The following COL4A5 variants were observed in gnomAD, a reference collection of about 807,000 sequenced individuals.
The protein encoded by COL4A5 is collagen alpha-5(IV) chain.
COL4A5 carries 26 observed loss-of-function variants against 130.2 expected under a neutral mutation model. That is an observed-to-expected ratio of 0.20 (90% CI 0.15 to 0.28). COL4A5 has a LOEUF of 0.28. Among genes scored for constraint, COL4A5 ranks in the 10% least tolerant of loss-of-function variants. COL4A5 has a pLI of 1.00. For synonymous variants in COL4A5, 496 were observed against 439.6 expected, an observed-to-expected ratio of 1.13 and a Z score of -1.60; for missense variants, 1,131 against 1,344.3, an observed-to-expected ratio of 0.84 and a Z score of 2.48.
chrX:108,559,156 A>G lies in COL4A5; in HGVS notation c.231+3A>G, dbSNP rs376366035. On this transcript the variant is annotated splice_donor_region_variant and intron_variant, in intron 3 of 52. Transcript: ENST00000328300. ...CTCCGGGGCCTCGGGGACAAAAGGTATGTATCATGTTGCCAACCAGTAATG... is the reference window on the plus strand; with the variant it reads ...CTCCGGGGCCTCGGGGACAAAAGGTGTGTATCATGTTGCCAACCAGTAATG... 1.7e-6 allele frequency: 2 copies of G among 1,191,373 alleles called. No individual in the cohort carries two copies. Among genetic ancestry groups the G allele is most frequent in the Non-Finnish European group, 1.1e-6 (1 of 876,762 alleles).
At chrX:108,689,364 A>G (rs969334883) in intron 49 of COL4A5, 83 of 748,535 alleles carry the variant, frequency 1.1e-4, no homozygotes, top group Non-Finnish European at 1.2e-4. Context: ...TACCAGGTCA[A>G]CAGAGGAACC....
intron 1 of COL4A5, among the ~76,000 whole-genome samples, chrX:108,445,892 G>A (rs1263787244): frequency 1.8e-5 from 2 of 110,877 alleles, no homozygotes; most frequent in African/African-American, 3.3e-5. Flanking sequence ...ACAGAATAAT[G>A]GTGTGTGTTT....
intron 1 of COL4A5, among the ~76,000 whole-genome samples, chrX:108,488,816 C>A (rs73524439): frequency 0.093 from 10,261 of 110,800 alleles, 1,085 homozygotes; most frequent in African/African-American, 0.31. Context: ...TTTTACACAG[C>A]AGTATGAGAG....
At chrX:108,692,713 C>G (rs1237385852) in intron 49 of COL4A5, 35 bp from the exon 50 acceptor site, 1 of 1,185,658 alleles carries the variant, frequency 8.4e-7, no homozygotes, top group Admixed American at 2.2e-5. Flanking sequence ...CATTATCACG[C>G]AGTCCTTTAC....
intron 1 of COL4A5, among the ~76,000 whole-genome samples, chrX:108,497,436 C>T (rs73524455): frequency 0.1 from 11,524 of 110,683 alleles, 1,295 homozygotes; most frequent in African/African-American, 0.34. Context: ...ATTTGGGGAC[C>T]TAACATCCTG....
At chrX:108,487,581 C>T (rs777681580) in intron 1 of COL4A5, among the ~76,000 whole-genome samples, 1 of 111,013 alleles carries the variant, frequency 9.0e-6, no homozygotes, top group Admixed American at 9.5e-5. Flanking sequence ...GTTTGTTGGC[C>T]ATTTGCCAAC....
intron 1 of COL4A5, among the ~76,000 whole-genome samples, chrX:108,448,734 A>T: frequency 8.9e-6 from 1 of 112,180 alleles, no homozygotes. Flanking sequence ...TCTGTCTTAA[A>T]CAATAAAAAC....
chrX:108,689,891 C>T, intron 49 of COL4A5: 1 of 754,425 alleles, frequency 1.3e-6, no homozygotes, highest in Non-Finnish European at 1.6e-6. Context: ...TGGGATCACT[C>T]TCTCTTCGAA....
chrX:108,694,489 C>T, intron 50 of COL4A5: 2 of 299,081 alleles, frequency 6.7e-6, no homozygotes, highest in Admixed American at 9.8e-5. Context: ...GTAGTATGTG[C>T]AATACACCAA....
intron 1 of COL4A5, among the ~76,000 whole-genome samples, chrX:108,457,874 T>C (rs1297488345): frequency 8.9e-6 from 1 of 112,117 alleles, no homozygotes; most frequent in Non-Finnish European, 1.9e-5. Context: ...GCATAATACA[T>C]TTGAGATCCA....
intron 2 of COL4A5, among the ~76,000 whole-genome samples, chrX:108,550,857 A>G (rs2065742536): frequency 9.0e-6 from 1 of 111,676 alleles, no homozygotes; most frequent in Non-Finnish European, 1.9e-5. Flanking sequence ...ACAAACTAAG[A>G]TCAGTAAATA....
chrX:108,526,669 TTC>T (rs769473826), intron 1 of COL4A5, among the ~76,000 whole-genome samples: 563 of 46,217 alleles, frequency 0.012, 13 homozygotes, highest in African/African-American at 0.052. Context: ...TCTTCTTTCT[TTC>T]TCTTTCTTTC....
rs918359358 is a variant in COL4A5, at chrX:108,476,902, T to A, written c.81+36696T>A. ...GCTACAACCAACATGGGAGTGAAGATATCTCTTTGATCTACTTATTTCCTT... is the reference window on the plus strand; with the variant it reads ...GCTACAACCAACATGGGAGTGAAGAAATCTCTTTGATCTACTTATTTCCTT... On this transcript the variant is annotated intron_variant, in intron 1 of 52. Transcript: ENST00000328300. 1.1e-4 allele frequency among the ~76,000 whole-genome samples: 12 copies of A among 111,965 alleles called. No individual in the cohort carries two copies. The East Asian group carries it at 3.1e-3, about 29-fold the overall frequency.
intron 13 of COL4A5, among the ~76,000 whole-genome samples, chrX:108,579,872 T>C (rs889671558): frequency 2.7e-5 from 3 of 111,594 alleles, no homozygotes; most frequent in Admixed American, 1.9e-4. Flanking sequence ...AATAAAAAAT[T>C]GTCATTATTT....
chrX:108,496,954 T>G (rs2147558710), intron 1 of COL4A5, among the ~76,000 whole-genome samples: 1 of 111,865 alleles, frequency 8.9e-6, no homozygotes, highest in African/African-American at 3.2e-5. Context: ...TGTACAATCA[T>G]ACTCACAGTC....
chrX:108,444,843 G>A (rs758929931), intron 1 of COL4A5, among the ~76,000 whole-genome samples: 103 of 111,616 alleles, frequency 9.2e-4, no homozygotes, highest in African/African-American at 3.3e-3. Context: ...TTCTCTTCTG[G>A]TATTTCTCTT....
chrX:108,594,242 G>T (rs2147803470), intron 21 of COL4A5, among the ~76,000 whole-genome samples: 1 of 111,161 alleles, frequency 9.0e-6, no homozygotes, highest in East Asian at 2.8e-4. Context: ...TTTCATATAT[G>T]ATCCATGAGA....
At chrX:108,461,224 A>G (rs2064647444) in intron 1 of COL4A5, among the ~76,000 whole-genome samples, 1 of 111,901 alleles carries the variant, frequency 8.9e-6, no homozygotes, top group African/African-American at 3.2e-5. Context: ...CCTTTATACT[A>G]AAAATATTTA....
chrX:108,629,795 T>C (rs1247465961), intron 36 of COL4A5, among the ~76,000 whole-genome samples: 1 of 111,104 alleles, frequency 9.0e-6, no homozygotes, highest in African/African-American at 3.3e-5. Flanking sequence ...GTATTTCTCC[T>C]AATGCTATCC....
Sources: gnomAD v4.1 joint callset for allele counts (sites outside exome capture counted in the v4.1 genomes callset) on GRCh38, gnomAD v4.1.1 for gene constraint, MANE v1.5 for transcripts, NCBI Gene and HGNC (gene_info 2026-07-23, HGNC 2026-07-21) for gene names.